ITPRID1: variants seen among roughly 807,000 people sequenced by gnomAD.
ITPRID1 encodes protein ITPRID1.
Under a neutral mutation model 95.4 loss-of-function variants are expected in ITPRID1, and 96 were observed. That is an observed-to-expected ratio of 1.01 (90% CI 0.85 to 1.19). The LOEUF (loss-of-function observed/expected upper bound fraction) is 1.19. ITPRID1 is among the 50% of genes most tolerant of loss of function. The pLI is 0.00. For synonymous variants in ITPRID1, 510 were observed against 453.6 expected, an observed-to-expected ratio of 1.12 and a Z score of -1.58; for missense variants, 1,339 against 1,252.9, an observed-to-expected ratio of 1.07 and a Z score of -1.04.
chr7:31,631,520 T>G (rs568448735), intron 10 of ITPRID1, among the ~76,000 whole-genome samples: 1 of 152,330 alleles, frequency 6.6e-6, no homozygotes, highest in African/African-American at 2.4e-5. Context: ...CAAATTTTCT[T>G]TACCACCTTG....
intron 5 of ITPRID1, among the ~76,000 whole-genome samples, chr7:31,569,269 C>T (rs1784901897): frequency 6.6e-6 from 1 of 151,954 alleles, no homozygotes; most frequent in South Asian, 2.1e-4. Context: ...CATGCTGGGC[C>T]CTTCATGTAT....
At chr7:31,584,594 A>G (rs938648029) in intron 10 of ITPRID1, among the ~76,000 whole-genome samples, 5 of 152,228 alleles carry the variant, frequency 3.3e-5, no homozygotes, top group Non-Finnish European at 7.3e-5. Context: ...TCTCGAATTG[A>G]GAGAGCAAAG....
At chr7:31,554,737 A>G (rs979824542) in intron 4 of ITPRID1, 121 bp from the exon 5 acceptor site, 58 of 1,039,014 alleles carry the variant, frequency 5.6e-5, no homozygotes, top group Non-Finnish European at 7.5e-5. Context: ...ATTGGTTTCT[A>G]AAAGTCCTCT....
At chr7:31,658,421 G>C, downstream of ITPRID1, 1 of 1,476,194 alleles carries the variant, frequency 6.8e-7, no homozygotes, top group Non-Finnish European at 8.9e-7. Flanking sequence ...AAAATAATCA[G>C]TTTCCAGAGT....
At chr7:31,528,372 C>G (rs1022827094) in intron 1 of ITPRID1, among the ~76,000 whole-genome samples, 2 of 152,182 alleles carry the variant, frequency 1.3e-5, no homozygotes, top group Non-Finnish European at 2.9e-5. Flanking sequence ...AAGTACAGTT[C>G]TGGCCATGGC....
intron 5 of ITPRID1, among the ~76,000 whole-genome samples, chr7:31,557,025 T>C (rs1024773715): frequency 3.3e-5 from 5 of 151,908 alleles, no homozygotes; most frequent in African/African-American, 1.2e-4. Flanking sequence ...CTCCTTTCTA[T>C]GACTTCATCT....
intron 10 of ITPRID1, among the ~76,000 whole-genome samples, chr7:31,612,959 A>ATTGT (rs1353105617): frequency 1.3e-5 from 2 of 152,122 alleles, no homozygotes; most frequent in Non-Finnish European, 2.9e-5. Context: ...AACAATTACC[A>ATTGT]TTGTTTTAAA....
At chr7:31,574,491 T>C (rs1324382068) in intron 7 of ITPRID1, 49 bp from the exon 8 acceptor site, 1 of 1,545,940 alleles carries the variant, frequency 6.5e-7, no homozygotes, top group Middle Eastern at 1.7e-4. Flanking sequence ...AAAAAAATGG[T>C]GTTGGGTTAA....
chr7:31,535,874 C>T (rs1052963041), intron 1 of ITPRID1, among the ~76,000 whole-genome samples: 1 of 151,890 alleles, frequency 6.6e-6, no homozygotes, highest in African/African-American at 2.4e-5. Flanking sequence ...TTGTTCCTCT[C>T]TGTGTAGTGT....
chr7:31,573,499 A>G (rs1267389256), intron 7 of ITPRID1, among the ~76,000 whole-genome samples: 1 of 152,180 alleles, frequency 6.6e-6, no homozygotes, highest in Non-Finnish European at 1.5e-5. Flanking sequence ...GTAAATGGCT[A>G]AGTAAATGAA....
chr7:31,594,204 C>G (rs1370036291), intron 10 of ITPRID1, among the ~76,000 whole-genome samples: 1 of 152,152 alleles, frequency 6.6e-6, no homozygotes, highest in Admixed American at 6.5e-5. Context: ...ATAGGCTATA[C>G]CATCTAACCT....
rs1259317736 is a variant in ITPRID1, at chr7:31,553,162, C to T, written c.138C>T (p.Ser46=). 1 of 1,585,814 alleles carries T rather than the reference C, an allele frequency of 6.3e-7. No homozygotes were observed. ...EWLPPDPEEE[S]QSLTIPMLED... is the part of the protein sequence containing the mutation. ...TGCCCCCTGACCCTGAGGAGGAAAGCCAGAGTCTCACCATCCCCATGCTGG... is the reference window on the plus strand; with the variant it reads ...TGCCCCCTGACCCTGAGGAGGAAAGTCAGAGTCTCACCATCCCCATGCTGG... Residue 46 remains serine (S), a synonymous_variant, in exon 3 of 15, where the codon AGC becomes AGT. Coordinates refer to ENST00000615280, the MANE Select transcript of ITPRID1 (RefSeq NM_001257967.3).
chr7:31,628,293 A>T (rs928051249), intron 10 of ITPRID1, among the ~76,000 whole-genome samples: 2 of 152,120 alleles, frequency 1.3e-5, no homozygotes, highest in African/African-American at 4.8e-5. Flanking sequence ...GCAGAGAATG[A>T]TCAGAATAGA....
At chr7:31,623,311 T>C (rs1788103291) in intron 10 of ITPRID1, among the ~76,000 whole-genome samples, 1 of 151,946 alleles carries the variant, frequency 6.6e-6, no homozygotes, top group Non-Finnish European at 1.5e-5. Context: ...AAAAAGAGAA[T>C]TTTAGACCAA....
intron 10 of ITPRID1, among the ~76,000 whole-genome samples, chr7:31,597,744 T>C (rs940975287): frequency 6.6e-6 from 1 of 152,128 alleles, no homozygotes; most frequent in African/African-American, 2.4e-5. Flanking sequence ...TCTATAACAA[T>C]GCTAATAAGT....
intron 10 of ITPRID1, among the ~76,000 whole-genome samples, chr7:31,587,295 A>T (rs527477709): frequency 0.021 from 3,220 of 152,264 alleles, 106 homozygotes; most frequent in African/African-American, 0.072. Context: ...GCAAAGTCTC[A>T]GGATACAAAA....
intron 5 of ITPRID1, chr7:31,555,396 C>T (rs1784414273): frequency 6.6e-6 from 1 of 152,402 alleles, no homozygotes; most frequent in South Asian, 2.1e-4. Flanking sequence ...ACACTTGTTT[C>T]ACTGAGATTT....
intron 10 of ITPRID1, among the ~76,000 whole-genome samples, chr7:31,585,330 A>C (rs879889922): frequency 6.6e-6 from 1 of 152,150 alleles, no homozygotes; most frequent in Non-Finnish European, 1.5e-5. Context: ...CTAGCAGAAA[A>C]ATTATGTTTA....
At chr7:31,555,571 C>T (rs1381246666) in intron 5 of ITPRID1, among the ~76,000 whole-genome samples, 10 of 151,500 alleles carry the variant, frequency 6.6e-5, no homozygotes, top group Admixed American at 5.9e-4. Context: ...CTGGCAATTA[C>T]AAACAGAAGG....
Sources: gnomAD v4.1 joint callset for allele counts (sites outside exome capture counted in the v4.1 genomes callset) on GRCh38, gnomAD v4.1.1 for gene constraint, MANE v1.5 for transcripts, NCBI Gene and HGNC (gene_info 2026-07-23, HGNC 2026-07-21) for gene names.